Variants in MAP7D2 observed in about 807,000 individuals in gnomAD.
MAP7D2 encodes the protein MAP7 domain containing 2.
Under a neutral mutation model 63.5 loss-of-function variants are expected in MAP7D2, and 33 were observed. The observed-to-expected ratio is 0.52, with a 90% CI of 0.39 to 0.70. MAP7D2 has a LOEUF of 0.70. Among genes scored for constraint, MAP7D2 ranks in the 30% least tolerant of loss-of-function variants. The pLI is 0.00. For synonymous variants in MAP7D2, 224 were observed against 223.7 expected, an observed-to-expected ratio of 1.00 and a Z score of -0.01; for missense variants, 626 against 604.0, an observed-to-expected ratio of 1.04 and a Z score of -0.38.
At chrX:20,028,179 A>G (rs1336067325) in intron 8 of MAP7D2, among the ~76,000 whole-genome samples, 2 of 111,729 alleles carry the variant, frequency 1.8e-5, no homozygotes, top group African/African-American at 6.5e-5. Flanking sequence ...CTCTTTACAG[A>G]TGAGAAAACT....
intron 1 of MAP7D2, among the ~76,000 whole-genome samples, chrX:20,096,241 A>G (rs2066260504): frequency 9.6e-6 from 1 of 104,536 alleles, no homozygotes; most frequent in Non-Finnish European, 2.0e-5. Context: ...AGCCTGGGCA[A>G]CATAGGGAGA....
chrX:20,010,439 T>C (rs911829266), intron 16 of MAP7D2, among the ~76,000 whole-genome samples: 9 of 107,929 alleles, frequency 8.3e-5, no homozygotes, highest in Non-Finnish European at 1.7e-4. Flanking sequence ...ATCTTATTCA[T>C]ATCACCTTGC....
At chrX:20,109,519 CAAAAAA>C (rs60683453) in intron 1 of MAP7D2, among the ~76,000 whole-genome samples, 4 of 32,999 alleles carry the variant, frequency 1.2e-4, no homozygotes, top group African/African-American at 4.5e-4. Context: ...GACTCCGTCT[CAAAAAA>C]AAAAAAAAAA....
At chrX:20,096,443 A>AG (rs1359332665) in intron 1 of MAP7D2, among the ~76,000 whole-genome samples, 1 of 107,118 alleles carries the variant, frequency 9.3e-6, no homozygotes, top group Non-Finnish European at 1.9e-5. Flanking sequence ...AAAAAAAAAA[A>AG]AAAAAGAAAA....
intron 11 of MAP7D2, 125 bp downstream of exon 11, chrX:20,015,969 C>G (rs1603350549): frequency 1.6e-6 from 1 of 631,773 alleles, no homozygotes; most frequent in East Asian, 3.3e-5. Flanking sequence ...TATTTAATAA[C>G]CAGCCCAGAC....
At chrX:20,110,785 C>T (rs192927837) in intron 1 of MAP7D2, among the ~76,000 whole-genome samples, 3 of 109,860 alleles carry the variant, frequency 2.7e-5, no homozygotes, top group African/African-American at 6.6e-5. Context: ...GGTGCTGGAA[C>T]AAATCCCCCA....
chrX:20,092,518 T>C (rs2066097438), intron 1 of MAP7D2, among the ~76,000 whole-genome samples: 1 of 112,237 alleles, frequency 8.9e-6, no homozygotes, highest in Non-Finnish European at 1.9e-5. Flanking sequence ...CAAGTTATCT[T>C]GTCCACTTAT....
At chrX:20,081,801 C>T (rs923877526) in intron 1 of MAP7D2, among the ~76,000 whole-genome samples, 2 of 111,110 alleles carry the variant, frequency 1.8e-5, no homozygotes, top group African/African-American at 6.6e-5. Flanking sequence ...TACAGGTGTG[C>T]ACCACCACGC....
chrX:20,041,737 T>C (rs1345896451), intron 8 of MAP7D2, among the ~76,000 whole-genome samples: 1 of 112,537 alleles, frequency 8.9e-6, no homozygotes, highest in East Asian at 2.7e-4. Flanking sequence ...CCTACTGGAC[T>C]GAGTTATTTA....
intron 8 of MAP7D2, among the ~76,000 whole-genome samples, chrX:20,042,274 T>C (rs1338459519): frequency 9.0e-6 from 1 of 111,264 alleles, no homozygotes; most frequent in Non-Finnish European, 1.9e-5. Context: ...ATCATCTTGG[T>C]AAATAAAAGC....
chrX:20,052,791 A>G (rs2064981744), intron 5 of MAP7D2, 87 bp downstream of exon 5: 1 of 724,064 alleles, frequency 1.4e-6, no homozygotes, highest in South Asian at 2.2e-5. Flanking sequence ...AGAAGGCTCA[A>G]GAGGAGACTC....
At chrX:20,098,097 G>A (rs60849679) in intron 1 of MAP7D2, among the ~76,000 whole-genome samples, 17,722 of 110,883 alleles carry the variant, frequency 0.16, 1,099 homozygotes, top group Non-Finnish European at 0.18. Flanking sequence ...CTAGGTCCTC[G>A]TACTGGCTAC....
At chrX:20,027,539 G>A (rs1354346209) in intron 8 of MAP7D2, among the ~76,000 whole-genome samples, 2 of 110,822 alleles carry the variant, frequency 1.8e-5, no homozygotes, top group Admixed American at 9.6e-5. Context: ...AGCATCCCTG[G>A]CCTCCATTCA....
chrX:20,073,911 C>T (rs866623185), intron 1 of MAP7D2, among the ~76,000 whole-genome samples: 5 of 104,092 alleles, frequency 4.8e-5, no homozygotes, highest in African/African-American at 1.7e-4. Context: ...CCGAGGCGGG[C>T]GGATCACCTG....
At chrX:20,100,549 G>A (rs1254760846) in intron 1 of MAP7D2, among the ~76,000 whole-genome samples, 1 of 104,496 alleles carries the variant, frequency 9.6e-6, no homozygotes, top group East Asian at 3.3e-4. Context: ...TTCCAAGTAG[G>A]CCCAAGGTAA....
rs183580660 is a variant in MAP7D2, at chrX:20,111,770, G to A, written c.130+4980C>T. Among the ~76,000 whole-genome samples, 5 of 111,782 alleles carry A rather than the reference G, an allele frequency of 4.5e-5. No homozygotes were observed. In the East Asian group the frequency reaches 1.1e-3, roughly 25 times the overall value. On this transcript the variant is annotated intron_variant, in intron 1 of 16. Transcript: ENST00000379643. ...ATATGAATTTTATACAGATGATAAA[G>A]CTGTTTATTTTTATTTTTGAGTCAG...
chrX:20,056,245 A>T (rs1474986537), intron 4 of MAP7D2, among the ~76,000 whole-genome samples: 2 of 112,088 alleles, frequency 1.8e-5, no homozygotes, highest in Non-Finnish European at 3.8e-5. Flanking sequence ...AAGCAACAAA[A>T]ATTTAAAATG....
At chrX:20,032,685 A>G (rs2074090385) in intron 8 of MAP7D2, among the ~76,000 whole-genome samples, 1 of 112,356 alleles carries the variant, frequency 8.9e-6, no homozygotes, top group African/African-American at 3.2e-5. Flanking sequence ...TATCTTTGGC[A>G]CACTGAATTT....
intron 6 of MAP7D2, 23 bp from the exon 7 acceptor site, chrX:20,044,547 C>A (rs1346519296): frequency 8.4e-7 from 1 of 1,189,941 alleles, no homozygotes. Context: ...AGTATAACAG[C>A]CAGAAGGACA....
Sources: allele counts gnomAD v4.1 joint callset (sites outside exome capture counted in the v4.1 genomes callset), GRCh38; gene constraint gnomAD v4.1.1; transcripts MANE v1.5; gene names NCBI Gene and HGNC (gene_info 2026-07-23, HGNC 2026-07-21).